The following SEPTIN8 variants were observed in gnomAD, a reference collection of about 807,000 sequenced individuals.
The protein encoded by SEPTIN8 is septin-8.
A neutral mutation model predicts 53.1 loss-of-function variants in SEPTIN8; 22 were observed. The ratio of observed to expected loss-of-function variants is 0.41; its 90% CI spans 0.30 to 0.59. SEPTIN8 has a LOEUF of 0.59. SEPTIN8 is among the 20% of genes least tolerant of loss of function. The probability of loss-of-function intolerance (pLI) is 0.24; values close to 1 mark genes in which losing one functional copy is unlikely to be tolerated. For missense variants in SEPTIN8, 536 were observed against 638.7 expected (o/e 0.84, Z 1.73); for synonymous variants, 228 against 248.4 (o/e 0.92, Z 0.77).
chr5:132,770,393 C>T (rs1045321971), intron 1 of SEPTIN8, among the ~76,000 whole-genome samples: 3 of 151,596 alleles, frequency 2.0e-5, no homozygotes, highest in Admixed American at 6.6e-5. Flanking sequence ...TTGGCCAGGT[C>T]GGTCTTGAAC....
At position 132,776,581 on chromosome 5, in the gene SEPTIN8, G is replaced by C. The variant is rs766868137; in HGVS notation, c.30+527C>G. ...CGTGGGGAGCGGGGCAGAGGGGAGCGGGGGAGGAAGGAAAAGCAGGCCAAG... is the reference window on the plus strand; with the variant it reads ...CGTGGGGAGCGGGGCAGAGGGGAGCCGGGGAGGAAGGAAAAGCAGGCCAAG... On this transcript the variant is annotated intron_variant, in intron 1 of 9. Coordinates refer to ENST00000378719, the MANE Select transcript of SEPTIN8 (RefSeq NM_001098811.2). This position sits in a 1 kb window ranked among gnomAD's most constrained non-coding sequence, Gnocchi z 4.4. Among the ~76,000 whole-genome samples, 43 of 152,104 alleles carry C rather than the reference G, an allele frequency of 2.8e-4. No individual in the cohort carries two copies. The highest frequency in any genetic ancestry group is 4.9e-4 in the Non-Finnish European group (33 of 67,940).
intron 2 of SEPTIN8, 60 bp from the exon 3 acceptor site, chr5:132,764,479 T>C: frequency 6.9e-7 from 1 of 1,443,662 alleles, no homozygotes; most frequent in Non-Finnish European, 9.4e-7. Flanking sequence ...TGGGCTGTCC[T>C]TGACTGGTGG....
At chr5:132,755,156 G>C (rs577432885) in intron 9 of SEPTIN8, among the ~76,000 whole-genome samples, 2 of 152,240 alleles carry the variant, frequency 1.3e-5, no homozygotes, top group East Asian at 3.9e-4. Context: ...CTGCATTAGG[G>C]ATGTGTTCAT....
At chr5:132,762,002 A>G (rs975317355) in intron 5 of SEPTIN8, 106 bp from the exon 6 acceptor site, 2 of 916,560 alleles carry the variant, frequency 2.2e-6, no homozygotes, top group Non-Finnish European at 3.3e-6. Context: ...GACCTGAACA[A>G]AGGCTCCAGG....
chr5:132,759,687 C>T (rs1017014633), intron 9 of SEPTIN8, among the ~76,000 whole-genome samples: 16 of 152,162 alleles, frequency 1.1e-4, no homozygotes, highest in African/African-American at 3.1e-4. Flanking sequence ...AAATGGATCC[C>T]GAGAATGACG....
At chr5:132,758,653 G>A in intron 9 of SEPTIN8, 1 of 1,593,048 alleles carries the variant, frequency 6.3e-7, no homozygotes, top group Non-Finnish European at 8.6e-7. Flanking sequence ...GGGGCAGCCT[G>A]GGGCCAGGGT....
intron 1 of SEPTIN8, among the ~76,000 whole-genome samples, chr5:132,769,511 TTAA>T: frequency 6.6e-6 from 1 of 152,312 alleles, no homozygotes; most frequent in South Asian, 2.1e-4. Context: ...GAGCAGCACC[TTAA>T]TAACAATGGC....
chr5:132,759,150 T>G (rs1381161953), intron 9 of SEPTIN8: 3 of 468,650 alleles, frequency 6.4e-6, no homozygotes, highest in East Asian at 1.0e-4. Context: ...ACTAGTCCCT[T>G]GACCAGGGCG....
intron 4 of SEPTIN8, 106 bp from the exon 5 acceptor site, chr5:132,762,751 G>A (rs1202540780): frequency 7.8e-7 from 1 of 1,286,968 alleles, no homozygotes; most frequent in Non-Finnish European, 1.1e-6. Flanking sequence ...ATATCCCTGG[G>A]CAGGGGGAAG....
chr5:132,765,937 T>C (rs116495137), intron 1 of SEPTIN8, among the ~76,000 whole-genome samples: 1,690 of 152,288 alleles, frequency 0.011, 32 homozygotes, highest in African/African-American at 0.038. Flanking sequence ...CAGCCAGCTC[T>C]AGGAGACGGG....
At chr5:132,766,382 G>A (rs1756599114) in intron 1 of SEPTIN8, among the ~76,000 whole-genome samples, 1 of 152,244 alleles carries the variant, frequency 6.6e-6, no homozygotes, top group East Asian at 1.9e-4. Flanking sequence ...GGCCCCGAGT[G>A]AGCTGGGGCC....
chr5:132,765,350 C>A (rs1375477616), intron 2 of SEPTIN8, 59 bp downstream of exon 2: 3 of 1,596,366 alleles, frequency 1.9e-6, no homozygotes, highest in Non-Finnish European at 2.6e-6. Context: ...GCCAGAAGCA[C>A]CCCCTCTCCC....
At chr5:132,779,572 C>G (rs943846634), upstream of SEPTIN8, among the ~76,000 whole-genome samples, 3 of 152,164 alleles carry the variant, frequency 2.0e-5, no homozygotes, top group Non-Finnish European at 4.4e-5. Flanking sequence ...CCCTCCAGGC[C>G]TCTTGCTTGT....
intron 4 of SEPTIN8, 40 bp from the exon 5 acceptor site, chr5:132,762,685 CTT>C: frequency 6.2e-7 from 1 of 1,609,258 alleles, no homozygotes; most frequent in Non-Finnish European, 8.5e-7. Context: ...CTGGTTGGCT[CTT>C]TTGAGCGGTG....
Position 132,760,846 on chromosome 5 carries a change from G to A in SEPTIN8, c.1242C>T (p.His414=), listed in dbSNP as rs1056273490. 64 of 1,613,824 alleles carry A rather than the reference G, an allele frequency of 4.0e-5. No homozygotes were observed. Among genetic ancestry groups the A allele is most frequent in the Non-Finnish European group, 5.0e-5 (59 of 1,180,030 alleles). Residue 414 remains histidine (H), a synonymous_variant, in exon 9 of 10, where the codon CAC becomes CAT. Coordinates refer to ENST00000378719, the MANE Select transcript of SEPTIN8 (RefSeq NM_001098811.2). This position sits in a 1 kb window ranked among gnomAD's most constrained non-coding sequence, Gnocchi z 5.2. ...TCCTCAGGGGCTGCTGCGAGGTGGCGTGCAAGGCCTGCGACTGCAGGGCCT... is the reference window on the plus strand; with the variant it reads ...TCCTCAGGGGCTGCTGCGAGGTGGCATGCAAGGCCTGCGACTGCAGGGCCT... ...AVEALQSQAL[H]ATSQQPLRKD...
intron 9 of SEPTIN8, chr5:132,758,678 C>G (rs1755583083): frequency 1.9e-6 from 3 of 1,595,990 alleles, no homozygotes; most frequent in Non-Finnish European, 2.6e-6. Context: ...GGGAGGAAAG[C>G]AAGGCTGTAA....
In SEPTIN8 at chr5:132,761,246, C is replaced by T. The variant is rs769455007; in HGVS notation, c.982G>A (p.Ala328Thr). 8.7e-6 allele frequency: 14 copies of T among 1,613,880 alleles called. No homozygotes were observed. The highest frequency in any genetic ancestry group is 1.2e-5 in the Non-Finnish European group (14 of 1,180,034). The part of the protein sequence containing the change: ...QPFSLQETYE[A>T]KRKEFLSELQ... The stretch of plus-strand genomic sequence containing the variant: ...TCACTTAGGAACTCCTTCCTCTTGG[C>T]CTCGTATGTCTCTTGTAGGCTGTGG... The change falls in exon 8 of 10, where the codon GCC (alanine) becomes ACC (threonine). Residue 328 changes from alanine (A) to threonine (T), a missense_variant. Physicochemically the swap from Ala to Thr is moderately conservative, Grantham distance 58. Transcript: ENST00000378719. The surrounding 1 kb of genome is among the most constrained non-coding windows in gnomAD (Gnocchi z 5.8).
intron 1 of SEPTIN8, among the ~76,000 whole-genome samples, chr5:132,768,547 G>A (rs1216566319): frequency 1.3e-5 from 2 of 152,220 alleles, no homozygotes; most frequent in African/African-American, 4.8e-5. Flanking sequence ...TACAACCTAG[G>A]AGGAACCAGC....
Position 132,761,738 on chromosome 5 carries a change from G to A in SEPTIN8, c.793+62C>T, listed in dbSNP as rs1429066218. On this transcript the variant is annotated intron_variant, in intron 6 of 9. Coordinates refer to ENST00000378719, the MANE Select transcript of SEPTIN8 (RefSeq NM_001098811.2). The surrounding 1 kb of genome is among the most constrained non-coding windows in gnomAD (Gnocchi z 5.8). ...GAGGAAACAGCACAGGGTACTACAG[G>A]CAGCAGGGCAGGCCAGGGAACTCAG... 1 of 1,581,390 alleles carries A rather than the reference G, an allele frequency of 6.3e-7. No individual in the cohort carries two copies. The highest frequency in any genetic ancestry group is 8.6e-7 in the Non-Finnish European group (1 of 1,159,832).
Sources: gnomAD v4.1 joint callset for allele counts (sites outside exome capture counted in the v4.1 genomes callset) on GRCh38, gnomAD v4.1.1 for gene constraint, Gnocchi (gnomAD v3.1) non-coding constraint, MANE v1.5 for transcripts, NCBI Gene and HGNC (gene_info 2026-07-23, HGNC 2026-07-21) for gene names.